The following SUGCT variants were observed in gnomAD, a reference collection of about 807,000 sequenced individuals.
The protein encoded by SUGCT is succinyl-CoA:glutarate-CoA transferase, also known as succinyl-CoA:glutarate CoA-transferase.
A neutral mutation model predicts 55.0 loss-of-function variants in SUGCT; 41 were observed. The ratio of observed to expected loss-of-function variants is 0.74; its 90% confidence interval spans 0.58 to 0.97. The LOEUF (loss-of-function observed/expected upper bound fraction) is 0.97, where lower values mean the gene tolerates loss of function less well. SUGCT is among the 50% of genes least tolerant of loss of function. The probability of loss-of-function intolerance (pLI) is 0.00; values close to 1 mark genes in which losing one functional copy is unlikely to be tolerated. For missense variants in SUGCT, 568 were observed against 547.8 expected (o/e 1.04, Z -0.37); for synonymous variants, 187 against 200.4 (o/e 0.93, Z 0.56).
intron 9 of SUGCT, among the ~76,000 whole-genome samples, chr7:40,332,030 G>A (rs527364902): frequency 1.6e-4 from 25 of 152,306 alleles, no homozygotes; most frequent in East Asian, 9.6e-4. Context: ...TTGAATGTTT[G>A]CCACATAAAT....
chr7:40,705,902 A>G (rs1785375584), intron 12 of SUGCT, among the ~76,000 whole-genome samples: 1 of 152,098 alleles, frequency 6.6e-6, no homozygotes, highest in African/African-American at 2.4e-5. Context: ...CAGAGCCATA[A>G]AACCGGGTTC....
chr7:40,996,767 T>G, the SUGCT span, among the ~76,000 whole-genome samples: 1 of 152,224 alleles, frequency 6.6e-6, no homozygotes, highest in African/African-American at 2.4e-5. Context: ...AAGTGCATTA[T>G]GTTTCCCAAG....
intron 9 of SUGCT, among the ~76,000 whole-genome samples, chr7:40,413,731 A>AAAAT (rs1002679976): frequency 2.6e-5 from 4 of 152,182 alleles, no homozygotes; most frequent in African/African-American, 9.6e-5. Flanking sequence ...GGGAAGCAGG[A>AAAAT]AAATCCTAAT....
At chr7:40,613,681 G>A (rs902497747) in intron 12 of SUGCT, among the ~76,000 whole-genome samples, 9 of 151,676 alleles carry the variant, frequency 5.9e-5, no homozygotes, top group African/African-American at 1.7e-4. Flanking sequence ...CACAATCTCA[G>A]CTCACCGCAA....
At chr7:40,200,497 A>C (rs1428569515) in intron 6 of SUGCT, among the ~76,000 whole-genome samples, 1 of 152,080 alleles carries the variant, frequency 6.6e-6, no homozygotes, top group Non-Finnish European at 1.5e-5. Context: ...TGTAATGAGC[A>C]AGGGGAGAAG....
intron 12 of SUGCT, among the ~76,000 whole-genome samples, chr7:40,692,759 C>A (rs62451219): frequency 0.082 from 12,493 of 152,190 alleles, 772 homozygotes; most frequent in East Asian, 0.26. Context: ...CAGCAAGAAC[C>A]TGCTAGGCCT....
chr7:40,992,248 A>G, the SUGCT span, among the ~76,000 whole-genome samples: 2 of 152,186 alleles, frequency 1.3e-5, no homozygotes, highest in Non-Finnish European at 2.9e-5. Context: ...AGATATTGCC[A>G]TGGCATTTAT....
At chr7:40,834,279 G>A (rs187648122) in intron 13 of SUGCT, among the ~76,000 whole-genome samples, 149 of 152,170 alleles carry the variant, frequency 9.8e-4, no homozygotes, top group Middle Eastern at 3.4e-3. Flanking sequence ...GGGGAGTAGA[G>A]TTTCCCAAAG....
At chr7:40,489,199 G>C (rs1384126914) in intron 11 of SUGCT, among the ~76,000 whole-genome samples, 1 of 148,306 alleles carries the variant, frequency 6.7e-6, no homozygotes, top group African/African-American at 2.5e-5. Context: ...TGAATTCACA[G>C]ATGTTTCTTC....
At chr7:40,725,807 G>A (rs763091771) in intron 12 of SUGCT, among the ~76,000 whole-genome samples, 9 of 151,936 alleles carry the variant, frequency 5.9e-5, no homozygotes, top group Non-Finnish European at 1.3e-4. Flanking sequence ...TGGAGAAATC[G>A]GATTTTGCCT....
chr7:40,717,470 T>C (rs1057241764), intron 12 of SUGCT, among the ~76,000 whole-genome samples: 1 of 152,126 alleles, frequency 6.6e-6, no homozygotes, highest in Non-Finnish European at 1.5e-5. Context: ...CCAGGGCACA[T>C]GTCGGGCTCC....
chr7:40,399,971 C>A (rs947354906), intron 9 of SUGCT, among the ~76,000 whole-genome samples: 6 of 152,062 alleles, frequency 3.9e-5, no homozygotes, highest in African/African-American at 1.2e-4. Flanking sequence ...ATTGCTTGAA[C>A]CCAGGAGGCA....
At chr7:40,725,719 C>A (rs185535044) in intron 12 of SUGCT, among the ~76,000 whole-genome samples, 176 of 152,140 alleles carry the variant, frequency 1.2e-3, no homozygotes, top group African/African-American at 4.0e-3. Context: ...CTTAAAATCC[C>A]GTTTCTCAGC....
At chr7:40,594,750 G>A (rs1299593911) in intron 12 of SUGCT, among the ~76,000 whole-genome samples, 1 of 152,166 alleles carries the variant, frequency 6.6e-6, no homozygotes, top group African/African-American at 2.4e-5. Flanking sequence ...CATCATTGGT[G>A]AATTTCCCAA....
At chr7:40,231,895 T>C (rs1256290110) in intron 6 of SUGCT, among the ~76,000 whole-genome samples, 1 of 151,966 alleles carries the variant, frequency 6.6e-6, no homozygotes, top group Non-Finnish European at 1.5e-5. Flanking sequence ...AGCCCAGGAG[T>C]TGAAGACTAG....
intron 8 of SUGCT, among the ~76,000 whole-genome samples, chr7:40,280,865 C>G (rs1414877019): frequency 1.3e-5 from 2 of 151,884 alleles, no homozygotes; most frequent in Non-Finnish European, 2.9e-5. Flanking sequence ...GATGAGTACC[C>G]GTATTGTTAC....
chr7:40,598,240 T>A (rs1584095739), intron 12 of SUGCT, among the ~76,000 whole-genome samples: 1 of 152,324 alleles, frequency 6.6e-6, no homozygotes, highest in South Asian at 2.1e-4. Flanking sequence ...CTCAATATAC[T>A]GGAACCATGC....
intron 9 of SUGCT, among the ~76,000 whole-genome samples, chr7:40,403,014 C>T (rs1300635301): frequency 6.6e-6 from 1 of 152,184 alleles, no homozygotes; most frequent in African/African-American, 2.4e-5. Context: ...ATTATGTGCA[C>T]AGGGGCATTG....
chr7:40,555,390 C>T (rs1191479188), intron 12 of SUGCT, among the ~76,000 whole-genome samples: 1 of 151,790 alleles, frequency 6.6e-6, no homozygotes, highest in African/African-American at 2.4e-5. Context: ...GATGACTGTC[C>T]CTTCATCTAG....
Sources: gnomAD v4.1 joint callset for allele counts (sites outside exome capture counted in the v4.1 genomes callset) on GRCh38, gnomAD v4.1.1 for gene constraint, MANE v1.5 for transcripts, NCBI Gene and HGNC (gene_info 2026-07-23, HGNC 2026-07-21) for gene names.